The following ZNF148 variants were observed in gnomAD, a reference collection of about 807,000 sequenced individuals.
ZNF148 encodes the protein Beta-Enolase Repressor Factor-1.
ZNF148 carries 7 observed loss-of-function variants against 67.7 expected under a neutral mutation model. That is an observed-to-expected ratio of 0.10 (90% CI 0.06 to 0.19). The LOEUF is 0.19. ZNF148 is among the 10% of genes least tolerant of loss of function. The probability of loss-of-function intolerance (pLI) is 1.00; values close to 1 mark genes in which losing one functional copy is unlikely to be tolerated. For missense variants in ZNF148, 583 were observed against 947.1 expected (o/e 0.62, Z 5.05); for synonymous variants, 333 against 330.7 (o/e 1.01, Z -0.08).
At chr3:125,313,045 C>T (rs1291314124) in intron 4 of ZNF148, among the ~76,000 whole-genome samples, 2 of 152,062 alleles carry the variant, frequency 1.3e-5, no homozygotes, top group African/African-American at 4.8e-5. Flanking sequence ...GATAAAATAT[C>T]TTTTAAAATT....
intron 1 of ZNF148, among the ~76,000 whole-genome samples, chr3:125,341,338 G>A (rs897948626): frequency 6.1e-5 from 9 of 146,620 alleles, no homozygotes; most frequent in Non-Finnish European, 1.3e-4. Flanking sequence ...AAAAAGCAAA[G>A]CCAGCTGCAG....
At chr3:125,251,954 A>G (rs1339179989) in intron 7 of ZNF148, among the ~76,000 whole-genome samples, 2 of 152,154 alleles carry the variant, frequency 1.3e-5, no homozygotes, top group Non-Finnish European at 2.9e-5. Context: ...ACTTTGTACC[A>G]CCTGTATTTT....
intron 7 of ZNF148, among the ~76,000 whole-genome samples, chr3:125,240,230 A>G (rs1936288024): frequency 6.6e-6 from 1 of 152,184 alleles, no homozygotes; most frequent in Non-Finnish European, 1.5e-5. Flanking sequence ...GCAGCGCCTC[A>G]CGTCTGTCAT....
chr3:125,306,700 A>AT (rs752745459), intron 4 of ZNF148, among the ~76,000 whole-genome samples: 4 of 152,118 alleles, frequency 2.6e-5, no homozygotes, highest in South Asian at 4.1e-4. Flanking sequence ...TACAAAAAAA[A>AT]TTTTTTCTAA....
chr3:125,359,157 C>CA (rs755127072), intron 1 of ZNF148, among the ~76,000 whole-genome samples: 6 of 152,202 alleles, frequency 3.9e-5, no homozygotes, highest in Non-Finnish European at 7.3e-5. Flanking sequence ...ATGAGTTGAG[C>CA]AAAGTGAGAA....
intron 7 of ZNF148, among the ~76,000 whole-genome samples, chr3:125,276,866 G>T (rs1938105551): frequency 6.6e-6 from 1 of 152,104 alleles, no homozygotes; most frequent in Non-Finnish European, 1.5e-5. Flanking sequence ...AATACTGCAG[G>T]TCCCATGAGA....
chr3:125,237,581 C>CA (rs1006092133), intron 7 of ZNF148, among the ~76,000 whole-genome samples: 15 of 150,674 alleles, frequency 1.0e-4, no homozygotes, highest in African/African-American at 3.2e-4. Flanking sequence ...GACCCCATCT[C>CA]AAAAAAAATT....
At chr3:125,342,911 C>A (rs1941790643) in intron 1 of ZNF148, among the ~76,000 whole-genome samples, 1 of 152,228 alleles carries the variant, frequency 6.6e-6, no homozygotes, top group African/African-American at 2.4e-5. Context: ...TAGACTAAGT[C>A]ATGTATGCAT....
intron 3 of ZNF148, among the ~76,000 whole-genome samples, chr3:125,316,940 T>C (rs2107681159): frequency 1.3e-5 from 2 of 152,228 alleles, no homozygotes; most frequent in South Asian, 2.1e-4. Flanking sequence ...GGACAGATAA[T>C]ATTTTGGAAA....
chr3:125,246,040 C>T (rs1443534296), intron 7 of ZNF148, among the ~76,000 whole-genome samples: 3 of 152,098 alleles, frequency 2.0e-5, no homozygotes, highest in African/African-American at 7.3e-5. Context: ...TTTTTTCTTA[C>T]CTCCATAATC....
At chr3:125,298,772 G>A (rs921156381) in intron 4 of ZNF148, among the ~76,000 whole-genome samples, 2 of 151,706 alleles carry the variant, frequency 1.3e-5, no homozygotes, top group East Asian at 1.9e-4. Flanking sequence ...CTACAGGCGC[G>A]TGCCACCATG....
rs113357883 is a variant in ZNF148, at chr3:125,299,264, A to G, written c.334-11036T>C. Among the ~76,000 whole-genome samples, 69 of 152,384 alleles carry G rather than the reference A, an allele frequency of 4.5e-4. 1 individual carries two copies. The highest frequency in any genetic ancestry group is 1.6e-3 in the African/African-American group (66 of 41,594). Reference sequence around the variant, plus strand: ...GTTGGTGTACTACTAGTTTAAGAGCATAACTCTCCTTCAGTACCACTGTCT... The same window carrying G: ...GTTGGTGTACTACTAGTTTAAGAGCGTAACTCTCCTTCAGTACCACTGTCT... On this transcript the variant is annotated intron_variant, in intron 4 of 8. Coordinates refer to ENST00000360647, the MANE Select transcript of ZNF148 (RefSeq NM_021964.3).
chr3:125,290,262 T>C (rs747020096), intron 4 of ZNF148, among the ~76,000 whole-genome samples: 64 of 152,304 alleles, frequency 4.2e-4, no homozygotes, highest in Non-Finnish European at 3.4e-4. Flanking sequence ...TAGAGACCTA[T>C]AGTGTCATGC....
At chr3:125,308,385 C>T (rs910187096) in intron 4 of ZNF148, among the ~76,000 whole-genome samples, 1 of 151,898 alleles carries the variant, frequency 6.6e-6, no homozygotes, top group Non-Finnish European at 1.5e-5. Context: ...CAGAACAATG[C>T]TGAAATAAAG....
intron 4 of ZNF148, among the ~76,000 whole-genome samples, chr3:125,308,536 AAAAAC>A (rs1184655791): frequency 2.4e-5 from 3 of 125,160 alleles, no homozygotes; most frequent in African/African-American, 9.6e-5. Context: ...TAAAAAAAAA[AAAAAC>A]AAAAACCTAA....
intron 5 of ZNF148, among the ~76,000 whole-genome samples, chr3:125,285,690 G>A (rs1938620107): frequency 6.6e-6 from 1 of 151,986 alleles, no homozygotes; most frequent in Non-Finnish European, 1.5e-5. Flanking sequence ...CACTGTACCT[G>A]GCCTGTTTGT....
At chr3:125,342,017 T>A (rs1397442291) in intron 1 of ZNF148, among the ~76,000 whole-genome samples, 2 of 145,832 alleles carry the variant, frequency 1.4e-5, no homozygotes, top group South Asian at 2.2e-4. Context: ...GGAATGGAAA[T>A]CATGGGGAAG....
intron 2 of ZNF148, among the ~76,000 whole-genome samples, chr3:125,330,187 G>A (rs966342849): frequency 4.6e-5 from 7 of 152,084 alleles, no homozygotes; most frequent in Non-Finnish European, 8.8e-5. Context: ...TTCTCAGGCT[G>A]AGCGCAGTGG....
chr3:125,246,751 T>G (rs1431759714), intron 7 of ZNF148, among the ~76,000 whole-genome samples: 2 of 152,336 alleles, frequency 1.3e-5, no homozygotes, highest in East Asian at 3.8e-4. Context: ...GTGTCTGGGC[T>G]ATATATCCTA....
Sources: gnomAD v4.1 joint callset for allele counts (sites outside exome capture counted in the v4.1 genomes callset) on GRCh38, gnomAD v4.1.1 for gene constraint, MANE v1.5 for transcripts, NCBI Gene and HGNC (gene_info 2026-07-23, HGNC 2026-07-21) for gene names.